The following AQP7B variants were observed in gnomAD, a reference collection of about 807,000 sequenced individuals.
AQP7B encodes the protein aquaporin 7B.
the AQP7B span, among the ~76,000 whole-genome samples, chr2:94,595,414 G>A: frequency 6.6e-6 from 1 of 151,838 alleles, no homozygotes; most frequent in African/African-American, 2.4e-5. Context: ...CAGCCTGGGT[G>A]ACAGGAGCGA....
chr2:94,604,626 A>G, the AQP7B span: 2 of 1,483,108 alleles, frequency 1.3e-6, no homozygotes, highest in Non-Finnish European at 9.1e-7. Context: ...AGCTTGTCCC[A>G]CAGCAGTACC....
the AQP7B span, among the ~76,000 whole-genome samples, chr2:94,598,778 G>C: frequency 6.6e-6 from 1 of 152,122 alleles, no homozygotes; most frequent in Non-Finnish European, 1.5e-5. Context: ...AATCATGTGG[G>C]GTTCATTCAC....
the AQP7B span, chr2:94,602,666 AG>A: frequency 6.5e-7 from 1 of 1,537,294 alleles, no homozygotes; most frequent in Non-Finnish European, 8.9e-7. Flanking sequence ...TGTCCCCAAC[AG>A]GCTCTTTCCT....
the AQP7B span, among the ~76,000 whole-genome samples, chr2:94,600,035 C>T: frequency 3.6e-4 from 55 of 151,962 alleles, no homozygotes; most frequent in Admixed American, 1.2e-3. Context: ...AGCACCACCA[C>T]GCCTGGCTAA....
At chr2:94,593,975 G>C in the AQP7B span, among the ~76,000 whole-genome samples, 1 of 152,160 alleles carries the variant, frequency 6.6e-6, no homozygotes, top group Non-Finnish European at 1.5e-5. Flanking sequence ...ATCTAGTTGA[G>C]AGTAAGACAG....
the AQP7B span, among the ~76,000 whole-genome samples, chr2:94,589,774 C>T: frequency 2.6e-4 from 39 of 152,072 alleles, no homozygotes; most frequent in South Asian, 8.1e-3. Flanking sequence ...CAGCCTCCTC[C>T]GCCCCCCACA....
chr2:94,601,888 C>T, the AQP7B span, among the ~76,000 whole-genome samples: 13 of 152,040 alleles, frequency 8.6e-5, no homozygotes, highest in South Asian at 2.1e-4. Context: ...CCTGTGAAGG[C>T]GGCATTATCT....
the AQP7B span, among the ~76,000 whole-genome samples, chr2:94,591,793 A>T: frequency 6.6e-6 from 1 of 151,894 alleles, no homozygotes; most frequent in African/African-American, 2.4e-5. Context: ...TTTACCCTCC[A>T]GCCTTCTTTT....
chr2:94,592,667 C>T, the AQP7B span, among the ~76,000 whole-genome samples: 1 of 152,056 alleles, frequency 6.6e-6, no homozygotes, highest in South Asian at 2.1e-4. Context: ...AGCCTGGCTC[C>T]TTTCTCATCA....
chr2:94,588,974 T>C, the AQP7B span, among the ~76,000 whole-genome samples: 1 of 148,856 alleles, frequency 6.7e-6, no homozygotes, highest in East Asian at 2.0e-4. Context: ...TTCTTTTCTG[T>C]TTTTTTTTCT....
chr2:94,598,670 C>T, the AQP7B span, among the ~76,000 whole-genome samples: 5 of 152,284 alleles, frequency 3.3e-5, no homozygotes, highest in South Asian at 4.2e-4. Flanking sequence ...TCAAGAGAGA[C>T]GGAAACTTCT....
chr2:94,597,443 A>G, the AQP7B span, among the ~76,000 whole-genome samples: 1 of 152,098 alleles, frequency 6.6e-6, no homozygotes, highest in African/African-American at 2.4e-5. Flanking sequence ...TAAGCCCCTT[A>G]TGTGCAGCAT....
chr2:94,602,407 G>T, the AQP7B span: 59 of 1,373,636 alleles, frequency 4.3e-5, no homozygotes, highest in Non-Finnish European at 5.7e-5. Flanking sequence ...GGGCATGGGG[G>T]TGAGGAGCTA....
At chr2:94,598,342 G>C in the AQP7B span, among the ~76,000 whole-genome samples, 1 of 152,198 alleles carries the variant, frequency 6.6e-6, no homozygotes, top group Non-Finnish European at 1.5e-5. Flanking sequence ...CCGTGTTGCA[G>C]CTTCCAGGGG....
chr2:94,603,086 C>T, the AQP7B span: 52 of 1,590,752 alleles, frequency 3.3e-5, no homozygotes, highest in African/African-American at 2.4e-4. Flanking sequence ...CGCTGGGCCG[C>T]GTGCCCTGGA....
the AQP7B span, chr2:94,604,211 C>T: frequency 2.1e-5 from 29 of 1,413,030 alleles, no homozygotes; most frequent in Non-Finnish European, 2.8e-5. Flanking sequence ...TCTGCTCAAC[C>T]AGTCTTCGCC....
chr2:94,593,181 A>G, the AQP7B span, among the ~76,000 whole-genome samples: 1 of 152,002 alleles, frequency 6.6e-6, no homozygotes, highest in African/African-American at 2.4e-5. Context: ...AGTGGGCACC[A>G]TGGGGCATGT....
At chr2:94,595,914 A>C in the AQP7B span, among the ~76,000 whole-genome samples, 5 of 152,220 alleles carry the variant, frequency 3.3e-5, no homozygotes, top group African/African-American at 1.2e-4. Flanking sequence ...GTTGAAGTTC[A>C]TCACAACACA....
chr2:94,592,999 T>A, the AQP7B span, among the ~76,000 whole-genome samples: 1 of 149,958 alleles, frequency 6.7e-6, no homozygotes, highest in Non-Finnish European at 1.5e-5. Context: ...AATTTTTGTA[T>A]TTTTTTTTCG....
Sources: gnomAD v4.1 joint callset for allele counts (sites outside exome capture counted in the v4.1 genomes callset) on GRCh38, gnomAD v4.1.1 for gene constraint, MANE v1.5 for transcripts, NCBI Gene and HGNC (gene_info 2026-07-23, HGNC 2026-07-21) for gene names.